The following AVEN variants were observed in gnomAD, a reference collection of about 807,000 sequenced individuals.
AVEN encodes the protein apoptosis and caspase activation inhibitor, also known as cell death regulator Aven.
A neutral mutation model predicts 38.1 loss-of-function variants in AVEN; 41 were observed. That is an observed-to-expected ratio of 1.08 (90% CI 0.84 to 1.40). The LOEUF (loss-of-function observed/expected upper bound fraction) is 1.40. Ranked by LOEUF, AVEN falls within the 40% of genes most tolerant of loss-of-function variation. AVEN has a pLI of 0.00. For missense variants in AVEN, 605 were observed against 438.8 expected (o/e 1.38, Z -3.38); for synonymous variants, 206 against 171.8 (o/e 1.20, Z -1.56).
chr15:33,885,644 C>G (rs1891670193), intron 2 of AVEN: 1 of 152,148 alleles, frequency 6.6e-6, no homozygotes, highest in South Asian at 2.1e-4. Flanking sequence ...CAAAAAGCCC[C>G]TGAGCATCGA....
chr15:33,901,270 A>G (rs1258616265), intron 2 of AVEN, among the ~76,000 whole-genome samples: 1 of 152,152 alleles, frequency 6.6e-6, no homozygotes. Flanking sequence ...CCACCTCAAA[A>G]AAGAAAAGAA....
chr15:33,861,201 A>G (rs1888067682), intron 11 of AVEN: 1 of 1,527,058 alleles, frequency 6.5e-7, no homozygotes. Flanking sequence ...GGTTAACAAA[A>G]GTAATGGCAG....
chr15:34,039,986 C>T (rs1218531719), upstream of AVEN, among the ~76,000 whole-genome samples: 1 of 152,184 alleles, frequency 6.6e-6, no homozygotes, highest in Non-Finnish European at 1.5e-5. Context: ...TAACTTGGGA[C>T]TGAAACCACC....
intron 4 of AVEN, among the ~76,000 whole-genome samples, chr15:33,868,972 G>C (rs576128644): frequency 1.3e-5 from 2 of 152,218 alleles, no homozygotes; most frequent in African/African-American, 4.8e-5. Flanking sequence ...CTCGAGGGAA[G>C]GCTCCAGGGA....
downstream of AVEN, chr15:33,865,000 G>T: frequency 1.4e-5 from 9 of 635,318 alleles, no homozygotes; most frequent in South Asian, 1.8e-4. Context: ...GAGCAAGAAT[G>T]AATGTGCAGG....
At chr15:33,998,440 TAAG>T (rs1237578769) in intron 2 of AVEN, among the ~76,000 whole-genome samples, 1 of 152,016 alleles carries the variant, frequency 6.6e-6, no homozygotes, top group African/African-American at 2.4e-5. Flanking sequence ...CTAAGCAACA[TAAG>T]AAGACCCTGT....
chr15:33,867,507 G>T lies in AVEN; in HGVS notation c.961C>A (p.Gln321Lys). 6.3e-7 allele frequency: 1 copy of T among 1,576,940 alleles called. No individual in the cohort carries two copies. Among genetic ancestry groups the T allele is most frequent in the Non-Finnish European group, 8.6e-7 (1 of 1,165,156 alleles). ...LKSKEDGEVVQEEEVCAKPSV... is the reference protein window; with the variant it reads ...LKSKEDGEVVKEEEVCAKPSV... ...ATGAAAGCCATACCTTCTTCCTCTTGGACCACCTCCCCATCTTCCTTGGAT... is the reference window on the plus strand; with the variant it reads ...ATGAAAGCCATACCTTCTTCCTCTTTGACCACCTCCCCATCTTCCTTGGAT... The change falls in exon 5 of 6, where the codon CAA becomes AAA. Residue 321 changes from glutamine (Q) to lysine (K), a missense_variant. Gln to Lys is a moderately conservative substitution (Grantham distance 53). Coordinates refer to ENST00000306730, the MANE Select transcript of AVEN (RefSeq NM_020371.3).
intron 2 of AVEN, among the ~76,000 whole-genome samples, chr15:33,900,430 C>T (rs1158514961): frequency 6.6e-6 from 1 of 151,998 alleles, no homozygotes; most frequent in Non-Finnish European, 1.5e-5. Context: ...ACCTCAGCCT[C>T]CCAAACAGCT....
chr15:34,026,930 T>C (rs1045547663), intron 1 of AVEN, among the ~76,000 whole-genome samples: 1 of 152,164 alleles, frequency 6.6e-6, no homozygotes, highest in Admixed American at 6.5e-5. Context: ...AGTGACATGA[T>C]GTGTTTTGTC....
At chr15:33,916,372 A>G (rs1034922594) in intron 2 of AVEN, among the ~76,000 whole-genome samples, 1 of 152,228 alleles carries the variant, frequency 6.6e-6, no homozygotes, top group Non-Finnish European at 1.5e-5. Flanking sequence ...GACACCCCCC[A>G]GTACCAGCCC....
At chr15:33,983,966 A>T (rs1896309184) in intron 2 of AVEN, among the ~76,000 whole-genome samples, 1 of 152,016 alleles carries the variant, frequency 6.6e-6, no homozygotes. Flanking sequence ...AAATTAAGGG[A>T]CATTCTACAA....
chr15:34,041,463 A>G (rs1004197063), upstream of AVEN, among the ~76,000 whole-genome samples: 1 of 152,210 alleles, frequency 6.6e-6, no homozygotes, highest in African/African-American at 2.4e-5. Context: ...CCAGTGGGAA[A>G]TAGGGCTTTA....
chr15:33,887,234 G>A (rs1891741606), intron 2 of AVEN, among the ~76,000 whole-genome samples: 1 of 152,118 alleles, frequency 6.6e-6, no homozygotes, highest in African/African-American at 2.4e-5. Context: ...CAAGTTATGG[G>A]ACCAAACTAC....
At chr15:33,984,843 A>G (rs772811727) in intron 2 of AVEN, among the ~76,000 whole-genome samples, 1 of 152,138 alleles carries the variant, frequency 6.6e-6, no homozygotes, top group African/African-American at 2.4e-5. Context: ...ATAACCACAA[A>G]TAACAGTTCA....
chr15:33,859,787 T>G (rs1023929573), intron 11 of AVEN: 1 of 1,516,106 alleles, frequency 6.6e-7, no homozygotes, highest in Non-Finnish European at 8.9e-7. Context: ...TCTTTTTGCT[T>G]TCTTCCATCT....
At chr15:33,961,686 A>T (rs370007989) in intron 2 of AVEN, among the ~76,000 whole-genome samples, 1 of 150,756 alleles carries the variant, frequency 6.6e-6, no homozygotes, top group Non-Finnish European at 1.5e-5. Context: ...GGTGGCGGGC[A>T]CCTGTAGTCC....
At chr15:33,862,896 C>T (rs573212995), downstream of AVEN, among the ~76,000 whole-genome samples, 9 of 152,308 alleles carry the variant, frequency 5.9e-5, no homozygotes, top group South Asian at 8.3e-4. Flanking sequence ...GAATTAGAGG[C>T]GTGAGCCATC....
chr15:33,953,411 AAACAGCAT>A (rs1366896115), intron 2 of AVEN, among the ~76,000 whole-genome samples: 9 of 152,214 alleles, frequency 5.9e-5, no homozygotes, highest in Non-Finnish European at 1.3e-4. Context: ...ACAGTAACCA[AAACAGCAT>A]GGTACTGGTA....
intron 2 of AVEN, among the ~76,000 whole-genome samples, chr15:33,916,207 A>G (rs978725939): frequency 1.3e-5 from 2 of 152,180 alleles, no homozygotes; most frequent in African/African-American, 2.4e-5. Context: ...CCTCCTGGCA[A>G]GAGGCCAACC....
Sources: gnomAD v4.1 joint callset for allele counts (sites outside exome capture counted in the v4.1 genomes callset) on GRCh38, gnomAD v4.1.1 for gene constraint, MANE v1.5 for transcripts, NCBI Gene and HGNC (gene_info 2026-07-23, HGNC 2026-07-21) for gene names.